Variants in PCNX2 observed in about 807,000 individuals in gnomAD.
The protein encoded by PCNX2 is pecanex-like protein 2.
PCNX2 carries 168 observed loss-of-function variants against 223.8 expected under a neutral mutation model. That is an observed-to-expected ratio of 0.75 (90% CI 0.66 to 0.85). The LOEUF is 0.85. Among genes scored for constraint, PCNX2 ranks in the 40% least tolerant of loss-of-function variants. The pLI, the probability that PCNX2 is intolerant of heterozygous loss-of-function variation, is 0.00. For missense variants in PCNX2, 2,507 were observed against 2,675.5 expected (o/e 0.94, Z 1.39); for synonymous variants, 1,006 against 1,052.6 (o/e 0.96, Z 0.86).
chr1:233,227,431 C>A, intron 9 of PCNX2, 60 bp from the exon 10 acceptor site: 2 of 1,451,162 alleles, frequency 1.4e-6, no homozygotes, highest in South Asian at 2.6e-5. Flanking sequence ...GGCATGGCCA[C>A]AAATATATAT....
At chr1:233,140,972 C>T (rs1405564314) in intron 19 of PCNX2, among the ~76,000 whole-genome samples, 1 of 152,156 alleles carries the variant, frequency 6.6e-6, no homozygotes, top group African/African-American at 2.4e-5. Context: ...AGCCTCAAAG[C>T]TTAAAGCTGC....
At chr1:232,995,094 T>C (rs1669833019) in intron 32 of PCNX2, among the ~76,000 whole-genome samples, 1 of 152,178 alleles carries the variant, frequency 6.6e-6, no homozygotes, top group Non-Finnish European at 1.5e-5. Flanking sequence ...CAGGATGGTG[T>C]TGGTAGAGTA....
chr1:233,242,529 G>A (rs6424177), intron 8 of PCNX2, among the ~76,000 whole-genome samples: 9,471 of 152,116 alleles, frequency 0.062, 875 homozygotes, highest in African/African-American at 0.2. Flanking sequence ...TTATGACACC[G>A]TAAAAGCCAG....
chr1:233,291,206 T>C, intron 1 of PCNX2: 5 of 521,514 alleles, frequency 9.6e-6, no homozygotes, highest in Admixed American at 6.4e-5. Flanking sequence ...TGACTCTCCC[T>C]GGACCTCAGT....
At chr1:233,315,331 C>T in the PCNX2 span, among the ~76,000 whole-genome samples, 127 of 152,294 alleles carry the variant, frequency 8.3e-4, no homozygotes, top group Middle Eastern at 3.4e-3. Flanking sequence ...AATTAACATA[C>T]GCTTCATGCA....
In PCNX2 at chr1:233,253,320, G is replaced by A. The variant is rs1351913388; in HGVS notation, c.1835-532C>T. ...ATACTTGTTAAGTATAGCTGGGGGC[G>A]GGGGTTGTTTTTGTTTGTTTGTTTG... is the stretch of plus-strand genomic sequence containing the variant. On this transcript the variant is annotated intron_variant, in intron 5 of 33. Coordinates refer to ENST00000258229, the MANE Select transcript of PCNX2 (RefSeq NM_014801.4). The surrounding 1 kb of genome is among the most constrained non-coding windows in gnomAD (Gnocchi z 4.2). Among the ~76,000 whole-genome samples, 2 of 152,104 alleles carry A rather than the reference G, an allele frequency of 1.3e-5. No homozygotes were observed. The highest frequency in any genetic ancestry group is 6.6e-5 in the Admixed American group (1 of 15,260).
chr1:233,109,898 T>C (rs1279071187), intron 21 of PCNX2, among the ~76,000 whole-genome samples: 1 of 152,088 alleles, frequency 6.6e-6, no homozygotes, highest in Non-Finnish European at 1.5e-5. Flanking sequence ...GCAAATCACC[T>C]GAGGTCTGGA....
At chr1:233,185,944 T>C (rs1418060024) in intron 15 of PCNX2, among the ~76,000 whole-genome samples, 1 of 152,218 alleles carries the variant, frequency 6.6e-6, no homozygotes, top group African/African-American at 2.4e-5. Context: ...CTAATAGTCC[T>C]ACAATTCTGT....
chr1:233,156,568 G>C (rs1023137902), intron 19 of PCNX2, among the ~76,000 whole-genome samples: 139 of 152,214 alleles, frequency 9.1e-4, no homozygotes, highest in African/African-American at 3.2e-3. Flanking sequence ...GGGAGCAGTG[G>C]GGAATCTATT....
chr1:233,144,752 T>C (rs1487609608), intron 19 of PCNX2, among the ~76,000 whole-genome samples: 1 of 152,164 alleles, frequency 6.6e-6, no homozygotes, highest in Non-Finnish European at 1.5e-5. Flanking sequence ...CCTTATTGAT[T>C]TTTGGGAGTT....
chr1:233,116,383 CACAA>C (rs1394485267), intron 21 of PCNX2, among the ~76,000 whole-genome samples: 1 of 146,648 alleles, frequency 6.8e-6, no homozygotes, highest in African/African-American at 2.8e-5. Flanking sequence ...GCTACACACA[CACAA>C]ACACACAGAC....
chr1:233,307,843 C>G, the PCNX2 span, among the ~76,000 whole-genome samples: 1 of 152,188 alleles, frequency 6.6e-6, no homozygotes, highest in Non-Finnish European at 1.5e-5. Flanking sequence ...AGAATGAGTT[C>G]AGAGCCCACG....
At chr1:233,288,792 A>T in intron 1 of PCNX2, 1 of 729,374 alleles carries the variant, frequency 1.4e-6, no homozygotes, top group Non-Finnish European at 2.2e-6. Flanking sequence ...CCCAGGACCC[A>T]GGAAAGATGC....
intron 23 of PCNX2, among the ~76,000 whole-genome samples, chr1:233,078,466 C>A (rs61823478): frequency 0.065 from 9,848 of 152,304 alleles, 399 homozygotes; most frequent in Middle Eastern, 0.12. Context: ...TAGAATAAAT[C>A]AGTTCCATCT....
rs543473919 is a variant in PCNX2 at position 233,073,605 on chromosome 1, C to CTTA, written c.4077-16318_4077-16316dup. On this transcript the variant is annotated intron_variant, in intron 23 of 33. Transcript: ENST00000258229. ...GGCCACCATACCTGGTAATATCTTT[C>CTTA]TTATTATTATTATTATTATTTTTAG... Among the ~76,000 whole-genome samples the CTTA allele has an allele frequency of 5.2e-3, 789 of 150,978 alleles. 2 individuals carry two copies. Among genetic ancestry groups the CTTA allele is most frequent in the African/African-American group, 0.016 (656 of 41,070 alleles).
At chr1:233,299,752 C>T (rs1662230380), upstream of PCNX2, among the ~76,000 whole-genome samples, 1 of 152,178 alleles carries the variant, frequency 6.6e-6, no homozygotes. Flanking sequence ...CAGTCAGTTA[C>T]CTGTCTCTTC....
chr1:233,289,431 G>T, intron 1 of PCNX2: 2 of 1,409,778 alleles, frequency 1.4e-6, no homozygotes, highest in Admixed American at 3.4e-5. Flanking sequence ...CACGATCTTG[G>T]CGCTCGTACT....
chr1:233,057,792 C>T (rs932159328), intron 23 of PCNX2: 8 of 792,296 alleles, frequency 1.0e-5, no homozygotes, highest in African/African-American at 7.6e-5. Context: ...TCCAGGAGGC[C>T]GAGGTCGCAG....
chr1:233,293,891 T>G, intron 1 of PCNX2: 4 of 915,810 alleles, frequency 4.4e-6, no homozygotes, highest in Non-Finnish European at 5.2e-6. Context: ...ATGACTTTGC[T>G]ATGCTGTCCC....
Sources: allele counts gnomAD v4.1 joint callset (sites outside exome capture counted in the v4.1 genomes callset), GRCh38; gene constraint gnomAD v4.1.1; non-coding constraint Gnocchi (gnomAD v3.1); transcripts MANE v1.5; gene names NCBI Gene and HGNC (gene_info 2026-07-23, HGNC 2026-07-21).